The following PDE4B variants were observed in gnomAD, a reference collection of about 807,000 sequenced individuals.
The protein encoded by PDE4B is 3',5'-cyclic-AMP phosphodiesterase 4B.
PDE4B carries 20 observed loss-of-function variants against 82.2 expected under a neutral mutation model. The observed-to-expected ratio is 0.24, with a 90% CI of 0.17 to 0.35. PDE4B has a LOEUF of 0.35. Ranked by LOEUF, PDE4B falls within the 10% of genes least tolerant of loss-of-function variation. The pLI is 1.00. For missense variants in PDE4B, 655 were observed against 907.2 expected, an observed-to-expected ratio of 0.72 and a Z score of 3.57; for synonymous variants, 320 against 318.9, an observed-to-expected ratio of 1.00 and a Z score of -0.04.
Position 66,321,561 on chromosome 1 carries a change from G to A in PDE4B, c.635-10947G>A, listed in dbSNP as rs988179966. Among the ~76,000 whole-genome samples, 7 of 152,222 alleles carry A rather than the reference G, an allele frequency of 4.6e-5. 1 individual carries two copies. In the South Asian group the frequency reaches 8.3e-4, roughly 18 times the overall value. On this transcript the variant is annotated intron_variant, in intron 7 of 16. Coordinates refer to ENST00000341517, the MANE Select transcript of PDE4B (RefSeq NM_002600.4). ...CTGGGAAGTACAAAATCAAGGCATT[G>A]GCAGGTTCAGTGTCTGAGGAGAACT...
At chr1:65,905,745 G>T (rs1003317729) in intron 1 of PDE4B, among the ~76,000 whole-genome samples, 4 of 152,006 alleles carry the variant, frequency 2.6e-5, no homozygotes, top group Admixed American at 2.6e-4. Context: ...TGCCCATAGA[G>T]GTGGCTTCAC....
Position 65,924,238 on chromosome 1 carries a change from C to T in PDE4B, c.281+5403C>T, listed in dbSNP as rs1212114507. Among the ~76,000 whole-genome samples the T allele has an allele frequency of 2.0e-5, 3 of 146,594 alleles. No individual in the cohort carries two copies. The East Asian group carries it at 5.9e-4, about 29-fold the overall frequency. ...TACAGGCGCCCGCCACTACGCCCGG[C>T]TAATTTTTTGTATTTTTAGTAGAGA... On this transcript the variant is annotated intron_variant, in intron 3 of 16. Transcript: ENST00000341517.
chr1:65,983,729 C>A (rs2100657812), intron 3 of PDE4B, among the ~76,000 whole-genome samples: 1 of 152,310 alleles, frequency 6.6e-6, no homozygotes, highest in Non-Finnish European at 1.5e-5. Flanking sequence ...GGAAGTCTAG[C>A]TTCCAGAACA....
intron 3 of PDE4B, among the ~76,000 whole-genome samples, chr1:65,961,352 G>A (rs533654199): frequency 9.2e-5 from 14 of 152,188 alleles, no homozygotes; most frequent in African/African-American, 3.1e-4. Flanking sequence ...TGTGTGCCTG[G>A]TATGTTTGCA....
intron 1 of PDE4B, among the ~76,000 whole-genome samples, chr1:65,835,155 G>A (rs907628491): frequency 6.6e-6 from 1 of 152,204 alleles, no homozygotes; most frequent in African/African-American, 2.4e-5. Flanking sequence ...CAGGGAACAT[G>A]AATGGGAAGG....
chr1:66,232,559 A>C (rs1243203122), intron 3 of PDE4B, among the ~76,000 whole-genome samples: 1 of 152,210 alleles, frequency 6.6e-6, no homozygotes, highest in Non-Finnish European at 1.5e-5. Flanking sequence ...AGAAAAAGAA[A>C]AGAGCGTAAA....
chr1:65,834,419 A>G (rs1646117971), intron 1 of PDE4B, among the ~76,000 whole-genome samples: 1 of 152,236 alleles, frequency 6.6e-6, no homozygotes, highest in South Asian at 2.1e-4. Flanking sequence ...TGGGCCTCTT[A>G]CACAGTAAAA....
At chr1:66,204,037 CT>C (rs1649297988) in intron 3 of PDE4B, among the ~76,000 whole-genome samples, 2 of 152,116 alleles carry the variant, frequency 1.3e-5, no homozygotes, top group South Asian at 4.1e-4. Flanking sequence ...TGTGGATGTC[CT>C]TTCTGTTTGT....
chr1:66,334,817 G>T (rs1478220525), intron 8 of PDE4B, among the ~76,000 whole-genome samples: 1 of 152,108 alleles, frequency 6.6e-6, no homozygotes, highest in African/African-American at 2.4e-5. Flanking sequence ...ATGATATAAG[G>T]CAATGAGGCC....
chr1:65,832,549 C>T (rs1161972072), intron 1 of PDE4B, among the ~76,000 whole-genome samples: 1 of 152,124 alleles, frequency 6.6e-6, no homozygotes, highest in African/African-American at 2.4e-5. Flanking sequence ...TTCAGTGATT[C>T]AGTTCCTAAG....
chr1:66,256,376 C>T (rs935566212), intron 4 of PDE4B, among the ~76,000 whole-genome samples: 2 of 152,048 alleles, frequency 1.3e-5, no homozygotes, highest in African/African-American at 4.8e-5. Flanking sequence ...GACACACAGC[C>T]CTGTTACAAT....
intron 3 of PDE4B, among the ~76,000 whole-genome samples, chr1:66,034,188 C>T (rs764162702): frequency 3.9e-5 from 6 of 152,054 alleles, no homozygotes; most frequent in Non-Finnish European, 8.8e-5. Flanking sequence ...ATTTTGCATA[C>T]CCTTAATTCT....
At chr1:66,337,889 G>C (rs79717292) in intron 8 of PDE4B, among the ~76,000 whole-genome samples, 1 of 152,144 alleles carries the variant, frequency 6.6e-6, no homozygotes, top group Non-Finnish European at 1.5e-5. Context: ...AAAGTGAAAA[G>C]AGCCTAGGAA....
At chr1:66,227,691 G>A (rs575397267) in intron 3 of PDE4B, among the ~76,000 whole-genome samples, 1 of 152,226 alleles carries the variant, frequency 6.6e-6, no homozygotes, top group Non-Finnish European at 1.5e-5. Context: ...GTACATACCT[G>A]CATGGACTAC....
chr1:66,178,101 A>G (rs2101381174), intron 3 of PDE4B, among the ~76,000 whole-genome samples: 1 of 152,106 alleles, frequency 6.6e-6, no homozygotes, highest in South Asian at 2.1e-4. Flanking sequence ...TTAGTATTTA[A>G]TAAAGCTCAG....
At chr1:66,307,011 A>G (rs538866701) in intron 7 of PDE4B, among the ~76,000 whole-genome samples, 138 of 152,276 alleles carry the variant, frequency 9.1e-4, no homozygotes, top group African/African-American at 3.2e-3. Flanking sequence ...AAATAGACGT[A>G]GTGCATTTAA....
intron 3 of PDE4B, among the ~76,000 whole-genome samples, chr1:66,090,615 TA>T (rs1282218191): frequency 0.28 from 10,625 of 37,982 alleles, 664 homozygotes; most frequent in Middle Eastern, 0.42. Flanking sequence ...TATATGTATA[TA>T]ATATATGTGT....
At position 66,009,315 on chromosome 1, in the gene PDE4B, A is replaced by C. The variant is rs754596482; in HGVS notation, c.281+90480A>C. ...CTCATCACCAGCTGTCGCTGTTCTG[A>C]TCCAAGTAACCATTACCTCAAACCT... is the stretch of plus-strand genomic sequence containing the variant. On this transcript the variant is annotated intron_variant, in intron 3 of 16. Coordinates refer to ENST00000341517, the MANE Select transcript of PDE4B (RefSeq NM_002600.4). Among the ~76,000 whole-genome samples the C allele has an allele frequency of 5.8e-4, 88 of 152,268 alleles. 2 individuals carry two copies. Among genetic ancestry groups the C allele is most frequent in the Non-Finnish European group, 2.1e-4 (14 of 68,010 alleles).
chr1:66,272,225 A>G (rs945964613), intron 7 of PDE4B, among the ~76,000 whole-genome samples: 4 of 152,102 alleles, frequency 2.6e-5, no homozygotes, highest in African/African-American at 7.2e-5. Flanking sequence ...TGACAGCTCT[A>G]TTTACCTGCA....
Sources: gnomAD v4.1 joint callset for allele counts (sites outside exome capture counted in the v4.1 genomes callset) on GRCh38, gnomAD v4.1.1 for gene constraint, MANE v1.5 for transcripts, NCBI Gene and HGNC (gene_info 2026-07-23, HGNC 2026-07-21) for gene names.